The following SRSF11 variants were observed in gnomAD, a reference collection of about 807,000 sequenced individuals.
The protein encoded by SRSF11 is serine and arginine rich splicing factor 11.
In SRSF11, 9 loss-of-function variants were observed where a neutral mutation model predicts 56.0. The ratio of observed to expected loss-of-function variants is 0.16; its 90% confidence interval spans 0.10 to 0.28. The LOEUF (loss-of-function observed/expected upper bound fraction) is 0.28. Ranked by LOEUF, SRSF11 falls within the 10% of genes least tolerant of loss-of-function variation. The pLI is 1.00. For synonymous variants in SRSF11, 222 were observed against 215.3 expected (o/e 1.03, Z -0.27); for missense variants, 421 against 600.7 (o/e 0.70, Z 3.13).
At position 70,250,941 on chromosome 1, in the gene SRSF11, T is replaced by C; in HGVS notation, c.*136T>C. On this transcript the variant is annotated 3_prime_UTR_variant, in exon 12 of 12. Transcript: ENST00000370949. ...TTATAAATGGTTATAAAGCTCCTGT[T>C]ACTCATATTAGTTATTTACATCAAA... 1.4e-6 allele frequency: 1 copy of C among 719,468 alleles called. No individual in the cohort carries two copies. The highest frequency in any genetic ancestry group is 2.7e-5 in the East Asian group (1 of 36,806). The allele number at this position is 719,468 out of a possible 1,614,324, so 44.6% of individuals were successfully genotyped here.
intron 2 of SRSF11, 126 bp downstream of exon 2, chr1:70,228,681 G>T: frequency 7.3e-7 from 1 of 1,361,052 alleles, no homozygotes; most frequent in East Asian, 2.7e-5. Context: ...TTGTTATACT[G>T]CAGTCCGTAA....
At chr1:70,231,916 C>G in intron 2 of SRSF11, 1 of 1,526,402 alleles carries the variant, frequency 6.6e-7, no homozygotes, top group Non-Finnish European at 8.8e-7. Context: ...TGAGAGCACA[C>G]CCCTGGAGAA....
intron 2 of SRSF11, chr1:70,228,899 C>G: frequency 1.0e-6 from 1 of 984,178 alleles, no homozygotes. Context: ...TCCATGTATG[C>G]TTACAGAGCC....
At chr1:70,240,130 G>A (rs1319772291) in intron 7 of SRSF11, among the ~76,000 whole-genome samples, 1 of 152,108 alleles carries the variant, frequency 6.6e-6, no homozygotes, top group Non-Finnish European at 1.5e-5. Flanking sequence ...CCTTAATACA[G>A]CCATTATACT....
intron 2 of SRSF11, chr1:70,230,170 A>G: frequency 1.0e-6 from 1 of 984,116 alleles, no homozygotes; most frequent in South Asian, 4.7e-5. Flanking sequence ...TTTCATAAAT[A>G]TTTTCAGGCC....
rs1317176877 is a variant in SRSF11 at position 70,251,518 on chromosome 1, T to C, written c.*713T>C. On this transcript the variant is annotated 3_prime_UTR_variant, in exon 12 of 12. Coordinates refer to ENST00000370949, the MANE Select transcript of SRSF11 (RefSeq NM_001350605.2). The stretch of plus-strand genomic sequence containing the variant: ...TGAAGTAGAGTTGTATACTTTTTCA[T>C]AAGATGTTTGGGAATTTTTTTCCTG... 1.3e-5 allele frequency: 2 copies of C among 152,600 alleles called. No homozygotes were observed. The highest frequency in any genetic ancestry group is 2.1e-4 in the South Asian group (1 of 4,830). 9.5% of individuals were successfully genotyped at this position (152,600 alleles called of 1,614,324 possible).
upstream of SRSF11, chr1:70,221,288 G>T: frequency 3.5e-6 from 1 of 288,340 alleles, no homozygotes; most frequent in Non-Finnish European, 6.4e-6. Context: ...CTCATTTCTC[G>T]GGCTGCAGGC....
At chr1:70,210,008 G>A (rs1669414127) in intron 1 of SRSF11, among the ~76,000 whole-genome samples, 1 of 151,542 alleles carries the variant, frequency 6.6e-6, no homozygotes, top group African/African-American at 2.4e-5. Context: ...AGTTGTATAT[G>A]GTAATTTTTT....
At position 70,250,375 on chromosome 1, in the gene SRSF11, GAGA is replaced by G. The variant is rs1256426502; in HGVS notation, c.1137_1139del (p.Lys380del). The G allele has an allele frequency of 6.2e-7, 1 of 1,609,342 alleles. No homozygotes were observed. Among genetic ancestry groups the G allele is most frequent in the African/African-American group, 1.3e-5 (1 of 74,492 alleles). On this transcript the variant is annotated inframe_deletion, in exon 11 of 12. Transcript: ENST00000370949. ...TTACTGTCATTCTAGACATAAAAAG[GAGA>G]AGAAGAAAGATAAAGACAAAGAAAG...
rs397953256 is a variant in SRSF11 at position 70,242,181 on chromosome 1, A to AG, written c.801-2500dup. ...ACTCCGTCTTAAAAAAAAAAAAAAA[A>AG]GGGAGAGCCTGTGTCTTTTTCTTTA... On this transcript the variant is annotated intron_variant, in intron 7 of 11. Coordinates refer to ENST00000370949, the MANE Select transcript of SRSF11 (RefSeq NM_001350605.2). Among the ~76,000 whole-genome samples the AG allele has an allele frequency of 2.0e-5, 3 of 150,758 alleles. No individual in the cohort carries two copies. In the East Asian group the frequency reaches 5.9e-4, roughly 29 times the overall value.
chr1:70,243,372 A>C (rs982750802), intron 7 of SRSF11, among the ~76,000 whole-genome samples: 22 of 121,368 alleles, frequency 1.8e-4, no homozygotes, highest in East Asian at 8.0e-4. Flanking sequence ...AAAAAAAAAA[A>C]ACACAGTGTG....
intron 1 of SRSF11, among the ~76,000 whole-genome samples, chr1:70,222,134 A>G (rs535491901): frequency 6.6e-6 from 1 of 152,274 alleles, no homozygotes; most frequent in Non-Finnish European, 1.5e-5. Flanking sequence ...CGCAAGACTA[A>G]CCGCAGTCTG....
upstream of SRSF11, among the ~76,000 whole-genome samples, chr1:70,217,223 A>G (rs1670090988): frequency 6.6e-6 from 1 of 151,742 alleles, no homozygotes; most frequent in African/African-American, 2.4e-5. Flanking sequence ...CAGTGGTGCA[A>G]TCTCAGCTCA....
intron 3 of SRSF11, among the ~76,000 whole-genome samples, chr1:70,233,986 T>G (rs1306717981): frequency 2.0e-5 from 3 of 152,222 alleles, no homozygotes; most frequent in Admixed American, 1.3e-4. Context: ...CCCATTTAGT[T>G]CAGGGGACTC....
chr1:70,220,397 CAAAA>C (rs1364260366), upstream of SRSF11, among the ~76,000 whole-genome samples: 1 of 152,122 alleles, frequency 6.6e-6, no homozygotes, highest in Non-Finnish European at 1.5e-5. Flanking sequence ...AGGTTGAAAA[CAAAA>C]GCAAGGATTT....
upstream of SRSF11, among the ~76,000 whole-genome samples, chr1:70,217,034 T>C (rs1423644815): frequency 7.2e-5 from 11 of 152,254 alleles, no homozygotes; most frequent in Non-Finnish European, 1.5e-4. Flanking sequence ...GTCTTGCTTC[T>C]TCCTTTTAGT....
intron 1 of SRSF11, among the ~76,000 whole-genome samples, chr1:70,211,209 G>C (rs1669535313): frequency 6.6e-6 from 1 of 151,318 alleles, no homozygotes; most frequent in Admixed American, 6.6e-5. Context: ...AAGTAATACA[G>C]AAGTAAAGTT....
At chr1:70,227,911 T>C (rs541411219) in intron 1 of SRSF11, among the ~76,000 whole-genome samples, 3 of 152,204 alleles carry the variant, frequency 2.0e-5, no homozygotes, top group Non-Finnish European at 2.9e-5. Context: ...TCTTACATGC[T>C]GTGGGTAAAA....
rs114025249 is a variant in SRSF11, at chr1:70,236,625, C to T, written c.591-800C>T. Among the ~76,000 whole-genome samples, 504 of 151,478 alleles carry T rather than the reference C, an allele frequency of 3.3e-3. 5 individuals are homozygous for T. Among genetic ancestry groups the T allele is most frequent in the African/African-American group, 0.012 (481 of 41,332 alleles). ...GCTTACAGGCATGAGCCACCATGCC[C>T]GGCCTACAATTTTTTTTTTACATGT... is the stretch of plus-strand genomic sequence containing the variant. On this transcript the variant is annotated intron_variant, in intron 5 of 11. Transcript: ENST00000370949.
Sources: allele counts gnomAD v4.1 joint callset (sites outside exome capture counted in the v4.1 genomes callset), GRCh38; gene constraint gnomAD v4.1.1; transcripts MANE v1.5; gene names NCBI Gene and HGNC (gene_info 2026-07-23, HGNC 2026-07-21).